CCDC180: variants seen among roughly 807,000 people sequenced by gnomAD.
The protein encoded by CCDC180 is coiled-coil domain containing 180.
Under a neutral mutation model 209.2 loss-of-function variants are expected in CCDC180, and 154 were observed. The observed-to-expected ratio is 0.74, with a 90% CI of 0.65 to 0.84. The LOEUF (loss-of-function observed/expected upper bound fraction) is 0.84, where lower values mean the gene tolerates loss of function less well. CCDC180 is among the 40% of genes least tolerant of loss of function. The pLI is 0.00. For missense variants in CCDC180, 1,874 were observed against 1,997.3 expected, an observed-to-expected ratio of 0.94 and a Z score of 1.18; for synonymous variants, 778 against 749.1, an observed-to-expected ratio of 1.04 and a Z score of -0.63.
chr9:97,376,887 A>G lies in CCDC180; in HGVS notation c.4967A>G (p.Tyr1656Cys), dbSNP rs1443841954. 8.7e-6 allele frequency: 14 copies of G among 1,611,448 alleles called. No individual in the cohort carries two copies. Among genetic ancestry groups the G allele is most frequent in the Non-Finnish European group, 1.2e-5 (14 of 1,179,636 alleles). The change falls in exon 37 of 37, where the codon TAT becomes TGT. Residue 1656 changes from tyrosine to cysteine, a missense_variant. By Grantham distance (194) the Tyr-to-Cys change is radical. Coordinates refer to ENST00000529487, the MANE Select transcript of CCDC180 (RefSeq NM_020893.6). ...KQSLHTIQGLYV is the reference protein window; with the variant it reads ...KQSLHTIQGLCV ...TCCCTGCACACTATCCAAGGCCTGT[A>G]TGTGTGACCCTCCGCCCCACCATGA...
chr9:97,367,878 A>T (rs539746089), intron 31 of CCDC180, among the ~76,000 whole-genome samples: 2 of 152,272 alleles, frequency 1.3e-5, no homozygotes, highest in South Asian at 4.1e-4. Flanking sequence ...ATGTACAGGG[A>T]ATTAAGCAGC....
chr9:97,358,214 G>A (rs1018379955), intron 25 of CCDC180, among the ~76,000 whole-genome samples: 14 of 144,208 alleles, frequency 9.7e-5, no homozygotes, highest in Non-Finnish European at 1.6e-4. Context: ...CTCTGCCTCC[G>A]GGTTCAAGTG....
At chr9:97,361,275 A>G (rs1318631633) in intron 26 of CCDC180, among the ~76,000 whole-genome samples, 1 of 152,210 alleles carries the variant, frequency 6.6e-6, no homozygotes, top group Non-Finnish European at 1.5e-5. Context: ...TTTGGTCAAA[A>G]ACATTGACCG....
chr9:97,316,988 C>T (rs1564147825), intron 8 of CCDC180, 77 bp from the exon 9 acceptor site: 12 of 1,401,896 alleles, frequency 8.6e-6, no homozygotes, highest in Non-Finnish European at 1.1e-5. Flanking sequence ...CCTCCCACTG[C>T]TCCTCTCTAA....
rs1826152979 is a variant in CCDC180, at chr9:97,343,520, C to G, written c.2455C>G (p.Gln819Glu). 2 of 1,613,404 alleles carry G rather than the reference C, an allele frequency of 1.2e-6. No individual in the cohort carries two copies. Among genetic ancestry groups the G allele is most frequent in the Non-Finnish European group, 1.7e-6 (2 of 1,179,832 alleles). ...NDTSSAKFIE[Q>E]VTIPSRLILE... ...CACTTCCAGTGCCAAGTTCATAGAA[C>G]AAGTGACAATTCCATCGAGACTAAT... Residue 819 changes from glutamine to glutamate, a missense_variant, in exon 19 of 37, where the codon CAA (glutamine) becomes GAA (glutamate). Transcript: ENST00000529487.
At chr9:97,307,934 C>T in intron 1 of CCDC180, 49 bp from the exon 2 acceptor site, 1 of 1,575,804 alleles carries the variant, frequency 6.3e-7, no homozygotes, top group Non-Finnish European at 8.6e-7. Context: ...AGACGTCGTC[C>T]CGCCTGGACC....
At chr9:97,376,689 T>G in intron 36 of CCDC180, 74 bp from the exon 37 acceptor site, 1 of 1,514,636 alleles carries the variant, frequency 6.6e-7, no homozygotes, top group Non-Finnish European at 8.9e-7. Flanking sequence ...TGCCAGCAAG[T>G]TACAGCATTG....
At chr9:97,368,862 A>G (rs745833457) in intron 31 of CCDC180, among the ~76,000 whole-genome samples, 2 of 152,196 alleles carry the variant, frequency 1.3e-5, no homozygotes, top group Non-Finnish European at 1.5e-5. Context: ...CCCCATAAAC[A>G]CAAGGAAACA....
chr9:97,368,662 C>T lies in CCDC180; in HGVS notation c.4190-1260C>T, dbSNP rs546456992. On this transcript the variant is annotated intron_variant, in intron 31 of 36. Transcript: ENST00000529487. ...TGAATTCAATTTTGCTTTTGTGGCT[C>T]ATCCAAAACACCTCCAGCTAATACC... Among the ~76,000 whole-genome samples, 6 of 152,318 alleles carry T rather than the reference C, an allele frequency of 3.9e-5. No homozygotes were observed. The South Asian group carries it at 1.0e-3, about 26-fold the overall frequency.
intron 29 of CCDC180, 59 bp from the exon 30 acceptor site, chr9:97,365,614 T>C: frequency 6.7e-7 from 1 of 1,484,404 alleles, no homozygotes; most frequent in Non-Finnish European, 9.4e-7. Flanking sequence ...CATGTGGTTT[T>C]GTCCATGTTT....
chr9:97,364,324 A>G, intron 29 of CCDC180, 196 bp downstream of exon 29: 1 of 528,502 alleles, frequency 1.9e-6, no homozygotes, highest in South Asian at 2.5e-5. Context: ...AAACATTTTC[A>G]TCAACATTTC....
rs898869 is a variant in CCDC180, at chr9:97,376,900, C to T, written c.*6C>T. 340,925 of 1,606,334 alleles carry T rather than the reference C, an allele frequency of 0.21. 39,652 individuals are homozygous for T. The highest frequency in any genetic ancestry group is 0.43 in the East Asian group (19,103 of 44,764). ...TCCAAGGCCTGTATGTGTGACCCTC[C>T]GCCCCACCATGAATAAACACTTTCT... On this transcript the variant is annotated 3_prime_UTR_variant, in exon 37 of 37. Coordinates refer to ENST00000529487, the MANE Select transcript of CCDC180 (RefSeq NM_020893.6).
intron 14 of CCDC180, 145 bp downstream of exon 14, chr9:97,325,337 G>A: frequency 1.3e-6 from 1 of 782,328 alleles, no homozygotes; most frequent in South Asian, 1.9e-5. Flanking sequence ...GGATCAGATG[G>A]GAGTAGCAGA....
Position 97,321,321 on chromosome 9 carries a change from C to G in CCDC180, c.1159+1116C>G, listed in dbSNP as rs1833350807. Among the ~76,000 whole-genome samples, 5 of 152,310 alleles carry G rather than the reference C, an allele frequency of 3.3e-5. No homozygotes were observed. In the South Asian group the frequency reaches 1.0e-3, roughly 32 times the overall value. On this transcript the variant is annotated intron_variant, in intron 11 of 36. Coordinates refer to ENST00000529487, the MANE Select transcript of CCDC180 (RefSeq NM_020893.6). ...ACTGTATGAGGTTTGCCACGACTTG[C>G]TCTAGAAGATATGTAAAAAGTTTTT...
chr9:97,322,942 C>G (rs1419936694), intron 12 of CCDC180, 21 bp downstream of exon 12: 1 of 1,604,932 alleles, frequency 6.2e-7, no homozygotes, highest in Admixed American at 1.7e-5. Flanking sequence ...TTCCTGCAGG[C>G]CTGAGAAGAG....
At chr9:97,357,583 A>G (rs747426244) in intron 24 of CCDC180, 44 bp from the exon 25 acceptor site, 61 of 1,286,416 alleles carry the variant, frequency 4.7e-5, no homozygotes, top group Middle Eastern at 3.7e-4. Context: ...CCAGATCACA[A>G]TATGTATTCT....
At chr9:97,336,861 C>G (rs1330661126) in intron 18 of CCDC180, among the ~76,000 whole-genome samples, 1 of 152,092 alleles carries the variant, frequency 6.6e-6, no homozygotes, top group East Asian at 1.9e-4. Context: ...TGTAGTTCTC[C>G]TTGTAGAGGT....
In CCDC180 at chr9:97,330,390, A is replaced by C. The variant is rs1274039020; in HGVS notation, c.1897A>C (p.Met633Leu). 1 of 1,614,226 alleles carries C rather than the reference A, an allele frequency of 6.2e-7. No individual in the cohort carries two copies. The highest frequency in any genetic ancestry group is 8.5e-7 in the Non-Finnish European group (1 of 1,180,038). ...GAAGAAGCAAGGGTCTAAAGAGGACATGACCAGAAGTGAGGAAAGCATAAG... is the reference window on the plus strand; with the variant it reads ...GAAGAAGCAAGGGTCTAAAGAGGACCTGACCAGAAGTGAGGAAAGCATAAG... ...LRKKQGSKED[M>L]TRSEESISSG... The change falls in exon 18 of 37, where the codon ATG becomes CTG. Residue 633 changes from methionine (M) to leucine (L), a missense_variant. Transcript: ENST00000529487.
intron 16 of CCDC180, among the ~76,000 whole-genome samples, chr9:97,328,724 A>G (rs1261733362): frequency 6.6e-6 from 1 of 152,122 alleles, no homozygotes; most frequent in Non-Finnish European, 1.5e-5. Context: ...GCTCCCACTC[A>G]TTCAGCCTGA....
Sources: gnomAD v4.1 joint callset for allele counts (sites outside exome capture counted in the v4.1 genomes callset) on GRCh38, gnomAD v4.1.1 for gene constraint, MANE v1.5 for transcripts, NCBI Gene and HGNC (gene_info 2026-07-23, HGNC 2026-07-21) for gene names.